Variants in UNC5A observed in about 807,000 individuals in gnomAD.
The protein encoded by UNC5A is netrin receptor UNC5A.
UNC5A carries 20 observed loss-of-function variants against 87.4 expected under a neutral mutation model. The ratio of observed to expected loss-of-function variants is 0.23; its 90% CI spans 0.16 to 0.33. The LOEUF (loss-of-function observed/expected upper bound fraction) is 0.33. Among genes scored for constraint, UNC5A ranks in the 10% least tolerant of loss-of-function variants. The probability of loss-of-function intolerance (pLI) is 1.00; values close to 1 mark genes in which losing one functional copy is unlikely to be tolerated. For synonymous variants in UNC5A, 438 were observed against 482.3 expected (o/e 0.91, Z 1.20); for missense variants, 844 against 1,133.4 (o/e 0.74, Z 3.67).
intron 1 of UNC5A, among the ~76,000 whole-genome samples, chr5:176,822,654 G>T (rs1459226178): frequency 6.6e-6 from 1 of 152,250 alleles, no homozygotes; most frequent in East Asian, 1.9e-4. Context: ...CAGCCCACCT[G>T]CTGGCCTCAG....
chr5:176,847,169 C>T (rs1757429325), intron 1 of UNC5A, among the ~76,000 whole-genome samples: 1 of 152,186 alleles, frequency 6.6e-6, no homozygotes, highest in South Asian at 2.1e-4. Flanking sequence ...ATTCTCCATG[C>T]CCGACGGCTG....
At chr5:176,852,145 C>T (rs774018928) in intron 1 of UNC5A, among the ~76,000 whole-genome samples, 6 of 152,208 alleles carry the variant, frequency 3.9e-5, no homozygotes, top group Non-Finnish European at 5.9e-5. Context: ...TGCCACAGGC[C>T]TTGCCAGGGC....
Position 176,877,819 on chromosome 5 carries a change from G to A in UNC5A, c.1636-75G>A, listed in dbSNP as rs1758300983. ...CACCCCCACCCCTCCCCAGTCTCCG[G>A]CCACTTCTTGAAGCCACAGCTGGCC... On this transcript the variant is annotated intron_variant, in intron 10 of 14. Transcript: ENST00000329542. The A allele has an allele frequency of 2.0e-6, 3 of 1,520,942 alleles. No individual in the cohort carries two copies. In the South Asian group the frequency reaches 3.7e-5, roughly 19 times the overall value. 94.2% of individuals were successfully genotyped at this position (1,520,942 alleles called of 1,614,324 possible).
rs1758039588 is a variant in UNC5A, at chr5:176,868,889, A to G, written c.646A>G (p.Thr216Ala). The change falls in exon 5 of 15, where the codon ACG (threonine) becomes GCG (alanine). Residue 216 changes from threonine to alanine, a missense_variant. Thr to Ala is a moderately conservative substitution (Grantham distance 58). This residue lies in a region of UNC5A where 314 missense variants were observed against 466.5 expected (regional missense o/e 0.67). Transcript: ENST00000329542. Reference sequence around the variant, plus strand: ...GGTGCGACAGGCCCGCCTTGCTGACACGGCCAACTACACCTGCGTGGCCAA... The same window carrying G: ...GGTGCGACAGGCCCGCCTTGCTGACGCGGCCAACTACACCTGCGTGGCCAA... ...LVVRQARLADTANYTCVAKNI... is the reference protein window; with the variant it reads ...LVVRQARLADAANYTCVAKNI... 1 of 1,612,672 alleles carries G rather than the reference A, an allele frequency of 6.2e-7. No individual in the cohort carries two copies. Among genetic ancestry groups the G allele is most frequent in the South Asian group, 1.1e-5 (1 of 91,084 alleles).
In UNC5A at chr5:176,810,709, C is replaced by A; in HGVS notation, c.-42C>A. On this transcript the variant is annotated 5_prime_UTR_variant, in exon 1 of 15. Coordinates refer to ENST00000329542, the MANE Select transcript of UNC5A (RefSeq NM_133369.3). The surrounding 1 kb of genome is among the most constrained non-coding windows in gnomAD (Gnocchi z 7.3). The stretch of plus-strand genomic sequence containing the variant: ...GGCGCTAAAGCCGCCCTCCCGCCCG[C>A]GGGGCCCCGCGCCCGGCCCGCCCGC... 1.1e-6 allele frequency: 1 copy of A among 892,340 alleles called. No individual in the cohort carries two copies. The highest frequency in any genetic ancestry group is 1.4e-6 in the Non-Finnish European group (1 of 733,342). The allele number at this position is 892,340 out of a possible 1,614,324, so 55.3% of individuals were successfully genotyped here. A position where few individuals can be genotyped will look rare whatever the true frequency, so the allele number is the denominator to read the frequency against.
In UNC5A at chr5:176,870,508, A is replaced by C. The variant is rs1433796303; in HGVS notation, c.860A>C (p.Asn287Thr). The C allele has an allele frequency of 6.2e-7, 1 of 1,605,568 alleles. No individual in the cohort carries two copies. Among genetic ancestry groups the C allele is most frequent in the African/African-American group, 1.3e-5 (1 of 74,708 alleles). The change falls in exon 6 of 15, where the codon AAC (asparagine) becomes ACC (threonine). Residue 287 changes from asparagine to threonine, a missense_variant. Asn to Thr is a moderately conservative substitution (Grantham distance 65). Transcript: ENST00000329542. ...ECQGTDLDTR[N>T]CTSDLCVHTA... is the part of the protein sequence containing the mutation. ...CAGGGCACTGACCTGGACACCCGCAACTGTACCAGTGACCTCTGTGTACAC... is the reference window on the plus strand; with the variant it reads ...CAGGGCACTGACCTGGACACCCGCACCTGTACCAGTGACCTCTGTGTACAC...
At chr5:176,860,287 C>T (rs560472463) in intron 1 of UNC5A, among the ~76,000 whole-genome samples, 21 of 152,350 alleles carry the variant, frequency 1.4e-4, no homozygotes, top group East Asian at 1.2e-3. Context: ...GTCCTCTGCA[C>T]GGCCTAGGGT....
rs1758355698 is a variant in UNC5A at position 176,879,324 on chromosome 5, T to C, written c.2199T>C (p.Ala733=). 1 of 1,604,586 alleles carries C rather than the reference T, an allele frequency of 6.2e-7. No homozygotes were observed. Among genetic ancestry groups the C allele is most frequent in the Non-Finnish European group, 8.5e-7 (1 of 1,175,838 alleles). Residue 733 remains alanine, a synonymous_variant, in exon 14 of 15, where the codon GCT becomes GCC. Coordinates refer to ENST00000329542, the MANE Select transcript of UNC5A (RefSeq NM_133369.3). ...NFNITKDTRF[A]ELLALESEAG... ...CCCACCTCCAGGACACAAGGTTTGC[T>C]GAGCTGCTGGCTCTGGAGAGTGAAG...
Position 176,873,994 on chromosome 5 carries a change from C to T in UNC5A, c.913C>T (p.Leu305Phe). The T allele has an allele frequency of 1.2e-6, 2 of 1,613,868 alleles. No individual in the cohort carries two copies. Among genetic ancestry groups the T allele is most frequent in the Non-Finnish European group, 1.7e-6 (2 of 1,179,938 alleles). ...HTASGPEDVA[L>F]YVGLIAVAVC... ...TGCTTCTGGCCCTGAGGACGTGGCC[C>T]TCTATGTGGGCCTCATCGCCGTGGC... is the stretch of plus-strand genomic sequence containing the variant. Residue 305 changes from leucine to phenylalanine, a missense_variant, in exon 7 of 15, where the codon CTC (leucine) becomes TTC (phenylalanine). By Grantham distance (22) the Leu-to-Phe change is conservative. Around this residue, in one of 3 missense-constraint regions of UNC5A, gnomAD observed 314 missense variants for 466.5 expected, o/e 0.67. Transcript: ENST00000329542.
At position 176,810,847 on chromosome 5, in the gene UNC5A, G is replaced by T; in HGVS notation, c.70+27G>T. The T allele has an allele frequency of 8.2e-6, 10 of 1,221,630 alleles. No homozygotes were observed. The highest frequency in any genetic ancestry group is 9.2e-6 in the Non-Finnish European group (9 of 981,098). 75.7% of individuals were successfully genotyped at this position (1,221,630 alleles called of 1,614,324 possible). ...TGAGTCACGCCGCGCGCGCTCTGGG[G>T]AGGCTTGCGGGGGACCGTGCGCGCG... On this transcript the variant is annotated intron_variant, in intron 1 of 14. Coordinates refer to ENST00000329542, the MANE Select transcript of UNC5A (RefSeq NM_133369.3). This position sits in a 1 kb window ranked among gnomAD's most constrained non-coding sequence, Gnocchi z 7.3.
At position 176,848,625 on chromosome 5, in the gene UNC5A, C is replaced by T. The variant is rs1360640872; in HGVS notation, c.71-13999C>T. Among the ~76,000 whole-genome samples, 1 of 152,150 alleles carries T rather than the reference C, an allele frequency of 6.6e-6. No homozygotes were observed. The highest frequency in any genetic ancestry group is 1.9e-4 in the East Asian group (1 of 5,184). Reference sequence around the variant, plus strand: ...CCTATTCCCAGATGGAAGGTGGCAGCAGGGCCCAGGCTCCTTCCCGCCCAA... The same window carrying T: ...CCTATTCCCAGATGGAAGGTGGCAGTAGGGCCCAGGCTCCTTCCCGCCCAA... On this transcript the variant is annotated intron_variant, in intron 1 of 14. Coordinates refer to ENST00000329542, the MANE Select transcript of UNC5A (RefSeq NM_133369.3). This position sits in a 1 kb window ranked among gnomAD's most constrained non-coding sequence, Gnocchi z 5.8.
rs1216325331 is a variant in UNC5A at position 176,875,211 on chromosome 5, G to T, written c.1378+645G>T. ...CGCCCACTCCATGGCTTTAATCGCC[G>T]TGTCTGTGCAGATAACTCCCACTCC... On this transcript the variant is annotated intron_variant, in intron 8 of 14. Coordinates refer to ENST00000329542, the MANE Select transcript of UNC5A (RefSeq NM_133369.3). This position sits in a 1 kb window ranked among gnomAD's most constrained non-coding sequence, Gnocchi z 5.2. 9.2e-5 allele frequency among the ~76,000 whole-genome samples: 14 copies of T among 152,088 alleles called. No individual in the cohort carries two copies.
chr5:176,859,702 G>C (rs1280698294), intron 1 of UNC5A, among the ~76,000 whole-genome samples: 414 of 68,426 alleles, frequency 6.1e-3, no homozygotes, highest in Non-Finnish European at 0.012. Context: ...ATAGCTGCTA[G>C]AATGTCCTTG....
chr5:176,855,882 A>G (rs866815114), intron 1 of UNC5A, among the ~76,000 whole-genome samples: 1 of 152,150 alleles, frequency 6.6e-6, no homozygotes, highest in South Asian at 2.1e-4. Flanking sequence ...ACCCCATTTC[A>G]CATCCAGAAC....
intron 8 of UNC5A, among the ~76,000 whole-genome samples, chr5:176,876,658 A>G (rs540453559): frequency 6.6e-6 from 1 of 152,300 alleles, no homozygotes; most frequent in East Asian, 1.9e-4. Context: ...CCCCACCTGC[A>G]GGGACCATGG....
rs2304515 is a variant in UNC5A, at chr5:176,878,507, G to T, written c.2052G>T (p.Thr684=). Residue 684 remains threonine (T), a synonymous_variant, in exon 13 of 15, where the codon ACG becomes ACT. Coordinates refer to ENST00000329542, the MANE Select transcript of UNC5A (RefSeq NM_133369.3). ...CCTTTTATCACATCTGGAATGGCAC[G>T]CAGCGGTACTTGCACTGCACCTTCA... ...EIPFYHIWNG[T]QRYLHCTFTL... 1 of 1,613,068 alleles carries T rather than the reference G, an allele frequency of 6.2e-7. No individual in the cohort carries two copies. The highest frequency in any genetic ancestry group is 8.5e-7 in the Non-Finnish European group (1 of 1,179,836).
chr5:176,816,367 A>G (rs1294111841), intron 1 of UNC5A, among the ~76,000 whole-genome samples: 5 of 152,236 alleles, frequency 3.3e-5, no homozygotes, highest in South Asian at 4.1e-4. Flanking sequence ...AATAACTCCT[A>G]TGTCAGAAAC....
At chr5:176,839,840 A>G (rs1386962251) in intron 1 of UNC5A, among the ~76,000 whole-genome samples, 5 of 122,158 alleles carry the variant, frequency 4.1e-5, no homozygotes, top group African/African-American at 1.3e-4. Flanking sequence ...TTTTCTTGAC[A>G]GAGTCTCACT....
At chr5:176,847,248 G>A (rs1757432343) in intron 1 of UNC5A, among the ~76,000 whole-genome samples, 3 of 152,184 alleles carry the variant, frequency 2.0e-5, no homozygotes. Flanking sequence ...CCCATCCAGC[G>A]CGTGACTCTG....
Sources: gnomAD v4.1 joint callset for allele counts (sites outside exome capture counted in the v4.1 genomes callset) on GRCh38, gnomAD v4.1.1 for gene constraint, gnomAD v4.1.1 regional missense constraint, Gnocchi (gnomAD v3.1) non-coding constraint, MANE v1.5 for transcripts, NCBI Gene and HGNC (gene_info 2026-07-23, HGNC 2026-07-21) for gene names.